STRN3: variants seen among roughly 807,000 people sequenced by gnomAD.
STRN3 encodes striatin-3.
A neutral mutation model predicts 95.6 loss-of-function variants in STRN3; 29 were observed. The observed-to-expected ratio is 0.30, with a 90% CI of 0.23 to 0.41. The LOEUF is 0.41. STRN3 is among the 10% of genes least tolerant of loss of function. STRN3 has a pLI of 1.00. For synonymous variants in STRN3, 331 were observed against 357.6 expected, an observed-to-expected ratio of 0.93 and a Z score of 0.84; for missense variants, 890 against 972.1, an observed-to-expected ratio of 0.92 and a Z score of 1.12.
At chr14:30,981,186 G>A (rs1594534322) in intron 1 of STRN3, among the ~76,000 whole-genome samples, 1 of 150,664 alleles carries the variant, frequency 6.6e-6, no homozygotes, top group Non-Finnish European at 1.5e-5. Context: ...ATGACGGTGT[G>A]CACCTGTAAT....
At chr14:30,941,292 G>C (rs1035734925) in intron 5 of STRN3, among the ~76,000 whole-genome samples, 8 of 152,178 alleles carry the variant, frequency 5.3e-5, no homozygotes, top group Non-Finnish European at 1.0e-4. Context: ...CACAGGCCCA[G>C]CCATTTCACT....
chr14:30,966,194 G>GGAACA (rs1318967795), intron 1 of STRN3, among the ~76,000 whole-genome samples: 2 of 152,212 alleles, frequency 1.3e-5, no homozygotes, highest in South Asian at 2.1e-4. Context: ...AGCCGACAGG[G>GGAACA]GAACAACACG....
chr14:31,005,310 C>T (rs912851456), intron 1 of STRN3, among the ~76,000 whole-genome samples: 3 of 152,058 alleles, frequency 2.0e-5, no homozygotes, highest in East Asian at 3.9e-4. Flanking sequence ...CCAGCCTGGG[C>T]GACAGAACGA....
At chr14:30,960,983 G>A (rs1880175566) in intron 1 of STRN3, among the ~76,000 whole-genome samples, 2 of 151,728 alleles carry the variant, frequency 1.3e-5, no homozygotes, top group African/African-American at 4.8e-5. Flanking sequence ...TATGAACGCA[G>A]GACAGTAATG....
intron 15 of STRN3, 36 bp downstream of exon 15, chr14:30,905,381 CT>C (rs758337363): frequency 6.4e-7 from 1 of 1,554,500 alleles, no homozygotes; most frequent in Admixed American, 2.1e-5. Context: ...TGTAATAACC[CT>C]TTTTAAGGTT....
Position 30,950,911 on chromosome 14 carries a change from G to A in STRN3, c.494C>T (p.Pro165Leu), listed in dbSNP as rs377562699. 3 of 1,613,652 alleles carry A rather than the reference G, an allele frequency of 1.9e-6. No individual in the cohort carries two copies. Among genetic ancestry groups the A allele is most frequent in the Non-Finnish European group, 2.5e-6 (3 of 1,179,910 alleles). ...CTTCCACGTTAACTGGCTATTCTGA[G>A]GTGCTGTGGGAGCCTCTGTGTCTTT... ...ETKDTEAPTA[P>L]QNSQLTWKQG... The change falls in exon 4 of 18, where the codon CCT becomes CTT. Residue 165 changes from proline to leucine, a missense_variant. By Grantham distance (98) the Pro-to-Leu change is moderately conservative. Transcript: ENST00000357479.
At chr14:30,945,204 T>C (rs1284936210) in intron 5 of STRN3, among the ~76,000 whole-genome samples, 2 of 152,228 alleles carry the variant, frequency 1.3e-5, no homozygotes, top group African/African-American at 2.4e-5. Context: ...ATCCTTTTAG[T>C]ACTGCTGGTG....
intron 16 of STRN3, among the ~76,000 whole-genome samples, chr14:30,900,920 TTTC>T (rs1896297593): frequency 6.6e-6 from 1 of 152,130 alleles, no homozygotes; most frequent in Non-Finnish European, 1.5e-5. Flanking sequence ...TACTGACCAC[TTTC>T]TTGATTTCTG....
chr14:30,901,396 T>C (rs757994557), intron 16 of STRN3, among the ~76,000 whole-genome samples: 29 of 152,220 alleles, frequency 1.9e-4, no homozygotes, highest in Non-Finnish European at 3.5e-4. Context: ...AAAAAGAATC[T>C]GTCCATGAAA....
intron 1 of STRN3, among the ~76,000 whole-genome samples, chr14:30,994,769 G>A (rs1882123087): frequency 6.6e-6 from 1 of 152,166 alleles, no homozygotes. Context: ...CTGGACTACT[G>A]AGTGCCTCAT....
At chr14:30,931,985 G>C (rs1878561189) in intron 7 of STRN3, 1 of 152,168 alleles carries the variant, frequency 6.6e-6, no homozygotes, top group Non-Finnish European at 1.5e-5. Flanking sequence ...TTTAAATCTG[G>C]GCTGGGCATC....
At chr14:30,979,381 C>T (rs1881274318) in intron 1 of STRN3, among the ~76,000 whole-genome samples, 2 of 151,968 alleles carry the variant, frequency 1.3e-5, no homozygotes, top group African/African-American at 2.4e-5. Flanking sequence ...AAAATAGGTA[C>T]CAAAAATTTT....
intron 10 of STRN3, chr14:30,912,418 A>C (rs906396746): frequency 2.0e-5 from 7 of 349,434 alleles, no homozygotes; most frequent in Non-Finnish European, 3.6e-5. Flanking sequence ...AGAGTTCCTT[A>C]ATCTGTTTTT....
chr14:30,895,545 T>G lies in STRN3; in HGVS notation c.2260A>C (p.Ser754Arg). 1 of 1,614,044 alleles carries G rather than the reference T, an allele frequency of 6.2e-7. No homozygotes were observed. Among genetic ancestry groups the G allele is most frequent in the Non-Finnish European group, 8.5e-7 (1 of 1,179,942 alleles). Residue 754 changes from serine to arginine, a missense_variant, in exon 18 of 18, where the codon AGC becomes CGC. Physicochemically the swap from Ser to Arg is moderately radical, Grantham distance 110 (BLOSUM62 -1). This residue lies in a region of STRN3 where 357 missense variants were observed against 422.8 expected (regional missense o/e 0.84). Transcript: ENST00000357479. ...DCSIRLWNLDSKTCVQEITAH... is the reference protein window; with the variant it reads ...DCSIRLWNLDRKTCVQEITAH... ...GTTATTTCTTGCACACATGTCTTGC[T>G]GTCTAAATTCCATAATCTGATGGAA... is the stretch of plus-strand genomic sequence containing the variant.
intron 1 of STRN3, among the ~76,000 whole-genome samples, chr14:31,010,889 A>C (rs954394557): frequency 6.6e-6 from 1 of 152,194 alleles, no homozygotes; most frequent in Non-Finnish European, 1.5e-5. Flanking sequence ...AAATACAAAA[A>C]TTAGCCAGGC....
intron 3 of STRN3, among the ~76,000 whole-genome samples, chr14:30,951,746 C>A (rs1030709984): frequency 2.0e-5 from 3 of 151,964 alleles, no homozygotes; most frequent in Non-Finnish European, 4.4e-5. Context: ...TAAAATTAAA[C>A]CAGAAAATAG....
intron 9 of STRN3, among the ~76,000 whole-genome samples, chr14:30,916,853 C>A (rs1449214262): frequency 6.6e-6 from 1 of 152,112 alleles, no homozygotes; most frequent in Non-Finnish European, 1.5e-5. Flanking sequence ...ACTAATCTTC[C>A]TTTTGATGGA....
At chr14:30,973,730 C>A (rs1483332061) in intron 1 of STRN3, among the ~76,000 whole-genome samples, 5 of 152,194 alleles carry the variant, frequency 3.3e-5, no homozygotes, top group African/African-American at 9.7e-5. Flanking sequence ...CAACAAAATA[C>A]TAGCAAACTG....
chr14:30,932,679 C>A (rs10147690), intron 7 of STRN3, among the ~76,000 whole-genome samples: 96,758 of 152,000 alleles, frequency 0.64, 31,769 homozygotes, highest in Non-Finnish European at 0.73. Context: ...TCTGCTCTAC[C>A]ATCAAAAGTC....
Sources: allele counts gnomAD v4.1 joint callset (sites outside exome capture counted in the v4.1 genomes callset), GRCh38; gene constraint gnomAD v4.1.1; regional missense constraint gnomAD v4.1.1; transcripts MANE v1.5; gene names NCBI Gene and HGNC (gene_info 2026-07-23, HGNC 2026-07-21).